Variants in PYCR2 observed in about 807,000 individuals in gnomAD.
PYCR2 encodes the protein P5C reductase 2.
PYCR2 carries 17 observed loss-of-function variants against 23.4 expected under a neutral mutation model. The ratio of observed to expected loss-of-function variants is 0.73; its 90% CI spans 0.50 to 1.09. The LOEUF (loss-of-function observed/expected upper bound fraction) is 1.09. Ranked by LOEUF, PYCR2 falls within the 50% of genes least tolerant of loss-of-function variation. The pLI is 0.00. For synonymous variants in PYCR2, 172 were observed against 176.6 expected (o/e 0.97, Z 0.21); for missense variants, 380 against 423.5 (o/e 0.90, Z 0.90).
chr1:225,923,230 T>A (rs772763292), intron 2 of PYCR2: 1 of 254,312 alleles, frequency 3.9e-6, no homozygotes, highest in Non-Finnish European at 6.4e-6. Context: ...GCCAACAGTA[T>A]TCTCTACCAA....
At chr1:225,920,748 C>A in intron 6 of PYCR2, 128 bp from the exon 7 acceptor site, 2 of 1,040,694 alleles carry the variant, frequency 1.9e-6, no homozygotes, top group Non-Finnish European at 2.9e-6. Context: ...AGCCCCAAGA[C>A]AAACGCTTCC....
chr1:225,922,145 C>T, intron 3 of PYCR2, 59 bp downstream of exon 3: 4 of 1,606,170 alleles, frequency 2.5e-6, no homozygotes, highest in Non-Finnish European at 3.4e-6. Context: ...CACCCATTAG[C>T]TGCCATTCGT....
intron 6 of PYCR2, 32 bp from the exon 7 acceptor site, chr1:225,920,652 A>C (rs371273672): frequency 6.2e-7 from 1 of 1,604,556 alleles, no homozygotes; most frequent in African/African-American, 1.3e-5. Context: ...GATTAAAGGA[A>C]GGCAATAAAC....
chr1:225,923,613 G>A, intron 2 of PYCR2, 88 bp downstream of exon 2: 3 of 1,603,670 alleles, frequency 1.9e-6, no homozygotes, highest in Non-Finnish European at 2.6e-6. Flanking sequence ...CCAGCACTTG[G>A]GCGCAGGGGC....
chr1:225,922,380 T>G lies in PYCR2; in HGVS notation c.142A>C (p.Met48Leu), dbSNP rs770190521. The change falls in exon 3 of 7, where the codon ATG (methionine) becomes CTG (leucine). Residue 48 changes from methionine (M) to leucine (L), a missense_variant. By Grantham distance (15) the Met-to-Leu change is conservative. Transcript: ENST00000343818. ...TTGCTGCGTGTCAGGTTCACACCCA[T>G]CTTCTGCAAGAGGAGACTCCCAGCT... ...NLPTVSALRKMGVNLTRSNKE... is the reference protein window; with the variant it reads ...NLPTVSALRKLGVNLTRSNKE... 1.5e-5 allele frequency: 24 copies of G among 1,608,050 alleles called. No homozygotes were observed. The highest frequency in any genetic ancestry group is 2.0e-5 in the Non-Finnish European group (24 of 1,175,250).
chr1:225,920,682 GTC>G (rs1281872407), intron 6 of PYCR2, 62 bp from the exon 7 acceptor site: 1 of 1,547,548 alleles, frequency 6.5e-7, no homozygotes, highest in African/African-American at 1.4e-5. Context: ...AGAGCTTTGA[GTC>G]TCCACTATCC....
Position 225,921,857 on chromosome 1 carries a change from C to T in PYCR2, c.540+1G>A. On this transcript the variant is annotated splice_donor_variant, in intron 4 of 6. Coordinates refer to ENST00000343818, the MANE Select transcript of PYCR2 (RefSeq NM_013328.4). LOFTEE classifies it high-confidence loss of function. This position sits in a 1 kb window ranked among gnomAD's most constrained non-coding sequence, Gnocchi z 4.2. ...GCTGAGCGAGCAAATGAGGGCCTCA[C>T]ATAGGCAGGCCCGCTGCCACTGAGC... is the stretch of plus-strand genomic sequence containing the variant. The T allele has an allele frequency of 6.2e-7, 1 of 1,612,776 alleles. No individual in the cohort carries two copies. The highest frequency in any genetic ancestry group is 8.5e-7 in the Non-Finnish European group (1 of 1,179,964).
In PYCR2 at chr1:225,920,327, A is replaced by T. The variant is rs1000816247; in HGVS notation, c.*128T>A. ...GAGGTTTTATCACAAGGACCTGAAA[A>T]CTTCCTAAGCATGCTTTCTCCTTGC... On this transcript the variant is annotated 3_prime_UTR_variant, in exon 7 of 7. Coordinates refer to ENST00000343818, the MANE Select transcript of PYCR2 (RefSeq NM_013328.4). The T allele has an allele frequency of 1.1e-6, 1 of 930,074 alleles. No individual in the cohort carries two copies. The highest frequency in any genetic ancestry group is 1.7e-5 in the African/African-American group (1 of 57,158). The allele number at this position is 930,074 out of a possible 1,614,324, so 57.6% of individuals were successfully genotyped here.
At chr1:225,923,996 G>T (rs1006181643) in intron 1 of PYCR2, 48 bp downstream of exon 1, 164 of 1,529,486 alleles carry the variant, frequency 1.1e-4, no homozygotes, top group Non-Finnish European at 1.3e-4. Flanking sequence ...AGGCCCCCTC[G>T]GGCCTCGGGA....
At position 225,921,059 on chromosome 1, in the gene PYCR2, T is replaced by C; in HGVS notation, c.797+149A>G. ...CTTGCAAACTCTTAGGTAAACAAAA[T>C]CTACTAAGTTGTGGTTATTAACAGA... On this transcript the variant is annotated intron_variant, in intron 6 of 6. Transcript: ENST00000343818. This position sits in a 1 kb window ranked among gnomAD's most constrained non-coding sequence, Gnocchi z 4.2. The C allele has an allele frequency of 1.2e-6, 1 of 803,860 alleles. No individual in the cohort carries two copies. Among genetic ancestry groups the C allele is most frequent in the South Asian group, 1.9e-5 (1 of 51,808 alleles). The allele number at this position is 803,860 out of a possible 1,614,324, so 49.8% of individuals were successfully genotyped here. A position where few individuals can be genotyped will look rare whatever the true frequency, so the allele number is the denominator to read the frequency against.
At position 225,924,081 on chromosome 1, in the gene PYCR2, C is replaced by T; in HGVS notation, c.30G>A (p.Gln10=). The change falls in exon 1 of 7, where the codon CAG becomes CAA. Residue 10 remains glutamine (Q), a synonymous_variant. Transcript: ENST00000343818. MSVGFIGAG[Q]LAYALARGFT... ...AGCCCCGCGCCAGAGCATAGGCCAG[C>T]TGGCCGGCCCCGATGAAGCCCACGC... 2 of 1,545,552 alleles carry T rather than the reference C, an allele frequency of 1.3e-6. No individual in the cohort carries two copies. The highest frequency in any genetic ancestry group is 8.7e-7 in the Non-Finnish European group (1 of 1,148,310).
intron 2 of PYCR2, 159 bp downstream of exon 2, chr1:225,923,542 G>A (rs1671907354): frequency 2.0e-6 from 3 of 1,477,004 alleles, no homozygotes; most frequent in Admixed American, 2.2e-5. Flanking sequence ...ACATTGAGCT[G>A]CCCAAGAGAA....
Position 225,924,093 on chromosome 1 carries a change from G to T in PYCR2, c.18C>A (p.Ile6=), listed in dbSNP as rs754403983. 1.3e-5 allele frequency: 20 copies of T among 1,545,560 alleles called. No individual in the cohort carries two copies. The highest frequency in any genetic ancestry group is 1.6e-5 in the Non-Finnish European group (18 of 1,148,348). Residue 6 remains isoleucine, a synonymous_variant, in exon 1 of 7, where the codon ATC becomes ATA. Transcript: ENST00000343818. MSVGF[I]GAGQLAYALA... ...GAGCATAGGCCAGCTGGCCGGCCCC[G>T]ATGAAGCCCACGCTCATGGTCCGCG...
In PYCR2 at chr1:225,924,240, G is replaced by A. The variant is rs977123605; in HGVS notation, c.-130C>T. Reference sequence around the variant, plus strand: ...GCCGAGGACCGGCGAGCTAACAGCAGCTTCTGGGATGGTGCAACCCTATTC... The same window carrying A: ...GCCGAGGACCGGCGAGCTAACAGCAACTTCTGGGATGGTGCAACCCTATTC... On this transcript the variant is annotated 5_prime_UTR_variant, in exon 1 of 7. Coordinates refer to ENST00000343818, the MANE Select transcript of PYCR2 (RefSeq NM_013328.4). The A allele has an allele frequency of 6.6e-5, 71 of 1,071,106 alleles. No individual in the cohort carries two copies. Among genetic ancestry groups the A allele is most frequent in the Non-Finnish European group, 8.8e-5 (67 of 764,494 alleles). 66.4% of individuals were successfully genotyped at this position (1,071,106 alleles called of 1,614,324 possible). A position where few individuals can be genotyped will look rare whatever the true frequency, so the allele number is the denominator to read the frequency against.
At position 225,921,400 on chromosome 1, in the gene PYCR2, T is replaced by C. The variant is rs1671833076; in HGVS notation, c.634-29A>G. 10 of 1,529,564 alleles carry C rather than the reference T, an allele frequency of 6.5e-6. No individual in the cohort carries two copies. The highest frequency in any genetic ancestry group is 2.7e-5 in the African/African-American group (2 of 72,902). 94.7% of individuals were successfully genotyped at this position (1,529,564 alleles called of 1,614,324 possible). A position where few individuals can be genotyped will look rare whatever the true frequency, so the allele number is the denominator to read the frequency against. On this transcript the variant is annotated intron_variant, in intron 5 of 6. Transcript: ENST00000343818. The surrounding 1 kb of genome is among the most constrained non-coding windows in gnomAD (Gnocchi z 4.2). ...TGGGGAAGGGCACATTAGGAGAAAG[T>C]TGCTGGTGTGCGTTGGAACAGGCTT...
Position 225,921,469 on chromosome 1 carries a change from A to G in PYCR2, c.633+83T>C. On this transcript the variant is annotated intron_variant, in intron 5 of 6. Coordinates refer to ENST00000343818, the MANE Select transcript of PYCR2 (RefSeq NM_013328.4). This position sits in a 1 kb window ranked among gnomAD's most constrained non-coding sequence, Gnocchi z 4.2. ...GCCCAACTGCTACCCCAGCTTCCCAACCAACTCCCACCTCAGTTCAGTGAT... is the reference window on the plus strand; with the variant it reads ...GCCCAACTGCTACCCCAGCTTCCCAGCCAACTCCCACCTCAGTTCAGTGAT... The G allele has an allele frequency of 6.4e-7, 1 of 1,573,132 alleles. No homozygotes were observed. The highest frequency in any genetic ancestry group is 1.1e-5 in the South Asian group (1 of 89,466).
chr1:225,923,708 G>A lies in PYCR2; in HGVS notation c.131C>T (p.Ala44Val). 1 of 1,614,096 alleles carries A rather than the reference G, an allele frequency of 6.2e-7. No homozygotes were observed. The highest frequency in any genetic ancestry group is 8.5e-7 in the Non-Finnish European group (1 of 1,180,010). Reference sequence around the variant, plus strand: ...CCGCCCGGCTCCACCTACCCTGAGCGCGGACACCGTGGGCAGGTTCATTTC... The same window carrying A: ...CCGCCCGGCTCCACCTACCCTGAGCACGGACACCGTGGGCAGGTTCATTTC... The part of the protein sequence containing the change: ...SPEMNLPTVS[A>V]LRKMGVNLTR... The change falls in exon 2 of 7, where the codon GCG becomes GTG. Residue 44 changes from alanine to valine, a missense_variant. Physicochemically the swap from Ala to Val is moderately conservative, Grantham distance 64 (BLOSUM62 0). Transcript: ENST00000343818.
In PYCR2 at chr1:225,921,429, A is replaced by T; in HGVS notation, c.634-58T>A. ...TGGTGTGCGTTGGAACAGGCTTCCC[A>T]TACCCACTGCTCCTGCCCAACTGCT... On this transcript the variant is annotated intron_variant, in intron 5 of 6. Transcript: ENST00000343818. This position sits in a 1 kb window ranked among gnomAD's most constrained non-coding sequence, Gnocchi z 4.2. 1 of 1,523,482 alleles carries T rather than the reference A, an allele frequency of 6.6e-7. No individual in the cohort carries two copies. The allele number at this position is 1,523,482 out of a possible 1,614,324, so 94.4% of individuals were successfully genotyped here.
At chr1:225,922,623 C>T in intron 2 of PYCR2, 1 of 518,760 alleles carries the variant, frequency 1.9e-6, no homozygotes, top group Non-Finnish European at 3.4e-6. Context: ...GAAGTGGCTG[C>T]CCTTCTTCCC....
Sources: allele counts gnomAD v4.1 joint callset, GRCh38; gene constraint gnomAD v4.1.1; non-coding constraint Gnocchi (gnomAD v3.1); transcripts MANE v1.5; gene names NCBI Gene and HGNC (gene_info 2026-07-23, HGNC 2026-07-21).